The following TENM2 variants were observed in gnomAD, a reference collection of about 807,000 sequenced individuals.
The protein encoded by TENM2 is teneurin-2.
In TENM2, 52 loss-of-function variants were observed where a neutral mutation model predicts 245.2. The observed-to-expected ratio is 0.21, with a 90% CI of 0.17 to 0.27. The LOEUF is 0.27. Ranked by LOEUF, TENM2 falls within the 10% of genes least tolerant of loss-of-function variation. The pLI is 1.00. For missense variants in TENM2, 3,046 were observed against 3,666.8 expected (o/e 0.83, Z 4.37); for synonymous variants, 1,363 against 1,438.9 (o/e 0.95, Z 1.19).
intron 7 of TENM2, among the ~76,000 whole-genome samples, chr5:168,072,073 T>G (rs897385976): frequency 6.6e-6 from 1 of 152,196 alleles, no homozygotes; most frequent in Admixed American, 6.5e-5. Flanking sequence ...CTTGGTGATA[T>G]GTTTGATATA....
At chr5:167,327,237 C>T (rs1757143844) in intron 1 of TENM2, among the ~76,000 whole-genome samples, 1 of 152,144 alleles carries the variant, frequency 6.6e-6, no homozygotes, top group African/African-American at 2.4e-5. Context: ...CATGTGTTCT[C>T]ATTGTTCAGT....
chr5:167,279,510 TTCCTTTCC>T, the TENM2 span, among the ~76,000 whole-genome samples: 1 of 128,344 alleles, frequency 7.8e-6, no homozygotes, highest in African/African-American at 3.2e-5. Context: ...CTTTCCTTCC[TTCCTTTCC>T]TTCCTTCCTT....
the TENM2 span, among the ~76,000 whole-genome samples, chr5:167,141,250 G>A: frequency 6.6e-6 from 1 of 152,154 alleles, no homozygotes; most frequent in African/African-American, 2.4e-5. Flanking sequence ...ACATTTCTGT[G>A]ATAATATTTC....
the TENM2 span, among the ~76,000 whole-genome samples, chr5:166,998,314 T>C: frequency 6.6e-6 from 1 of 152,134 alleles, no homozygotes; most frequent in African/African-American, 2.4e-5. Flanking sequence ...AGATTTTCCA[T>C]TTTATTTTCC....
chr5:167,053,156 T>G, the TENM2 span, among the ~76,000 whole-genome samples: 4,753 of 152,306 alleles, frequency 0.031, 260 homozygotes, highest in African/African-American at 0.11. Context: ...CTTGGCCATA[T>G]GTTAACTTTT....
In TENM2 at chr5:167,523,101, G is replaced by A. The variant is rs796917441; in HGVS notation, c.502+147628G>A. Among the ~76,000 whole-genome samples the A allele has an allele frequency of 4.6e-5, 7 of 152,084 alleles. No individual in the cohort carries two copies. In the South Asian group the frequency reaches 6.2e-4, roughly 14 times the overall value. ...CTCAGTCTCCCTCTGCCTTTCTCAT[G>A]TAAGGATACATGTGATAGCATCTAG... On this transcript the variant is annotated intron_variant, in intron 2 of 28. Transcript: ENST00000518659.
chr5:167,218,485 A>G, the TENM2 span, among the ~76,000 whole-genome samples: 1 of 152,098 alleles, frequency 6.6e-6, no homozygotes, highest in Non-Finnish European at 1.5e-5. Flanking sequence ...TTAACATGCT[A>G]TCTTGTGAGG....
chr5:168,078,180 G>T (rs1791650944), intron 7 of TENM2, among the ~76,000 whole-genome samples: 1 of 152,200 alleles, frequency 6.6e-6, no homozygotes, highest in Non-Finnish European at 1.5e-5. Context: ...GATGGCCAGT[G>T]ATGATGAGCA....
At chr5:168,059,062 A>G (rs949164339) in intron 6 of TENM2, among the ~76,000 whole-genome samples, 1 of 152,152 alleles carries the variant, frequency 6.6e-6, no homozygotes, top group Admixed American at 6.5e-5. Flanking sequence ...TATTTAGTGA[A>G]TGGGATGAGG....
chr5:167,564,993 C>T (rs1773820956), intron 2 of TENM2, among the ~76,000 whole-genome samples: 1 of 152,206 alleles, frequency 6.6e-6, no homozygotes, highest in Non-Finnish European at 1.5e-5. Context: ...GAATCCCCAG[C>T]ATAAGGAACT....
In TENM2 at chr5:168,211,760, A is replaced by G; in HGVS notation, c.3845+6A>G. On this transcript the variant is annotated splice_donor_region_variant and intron_variant, in intron 20 of 28. Transcript: ENST00000518659. Reference sequence around the variant, plus strand: ...AATAAAGAGTTTAAACATAGGTAAGATGAAGAACTCTTTCCCATATAATTT... The same window carrying G: ...AATAAAGAGTTTAAACATAGGTAAGGTGAAGAACTCTTTCCCATATAATTT... 2 of 1,349,206 alleles carry G rather than the reference A, an allele frequency of 1.5e-6. No individual in the cohort carries two copies. The highest frequency in any genetic ancestry group is 1.0e-6 in the Non-Finnish European group (1 of 981,996). 83.6% of individuals were successfully genotyped at this position (1,349,206 alleles called of 1,614,324 possible).
chr5:167,300,010 T>C (rs1451964487), intron 1 of TENM2, among the ~76,000 whole-genome samples: 1 of 152,224 alleles, frequency 6.6e-6, no homozygotes, highest in South Asian at 2.1e-4. Context: ...CAGCAGCTGC[T>C]GCACGCAGAC....
chr5:167,952,629 C>T, exon 4 of TENM2: 1 of 1,612,834 alleles, frequency 6.2e-7, no homozygotes, highest in Non-Finnish European at 8.5e-7. Flanking sequence ...GAGGCCCCCT[C>T]TCCCACCCCC....
At chr5:167,723,438 G>C (rs1164742966) in intron 2 of TENM2, among the ~76,000 whole-genome samples, 1 of 152,130 alleles carries the variant, frequency 6.6e-6, no homozygotes, top group Non-Finnish European at 1.5e-5. Context: ...TCATTCATAA[G>C]TGCATTCTCA....
intron 5 of TENM2, among the ~76,000 whole-genome samples, chr5:168,034,600 T>A (rs929243113): frequency 1.4e-5 from 2 of 146,762 alleles, no homozygotes; most frequent in Admixed American, 1.4e-4. Context: ...AAAATAAAAA[T>A]AATAAAAAAT....
intron 1 of TENM2, among the ~76,000 whole-genome samples, chr5:167,360,245 G>C (rs1208756904): frequency 6.6e-6 from 1 of 152,102 alleles, no homozygotes; most frequent in Non-Finnish European, 1.5e-5. Flanking sequence ...CCCTAAAAAA[G>C]GTGTCAGATA....
At chr5:167,030,877 G>T in the TENM2 span, among the ~76,000 whole-genome samples, 1 of 152,112 alleles carries the variant, frequency 6.6e-6, no homozygotes, top group Non-Finnish European at 1.5e-5. Flanking sequence ...TTTCTGCAGG[G>T]CTCATTGGGC....
At chr5:167,765,480 T>C (rs919387773) in intron 2 of TENM2, among the ~76,000 whole-genome samples, 3 of 152,154 alleles carry the variant, frequency 2.0e-5, no homozygotes, top group Non-Finnish European at 4.4e-5. Context: ...TGCCAGCTGG[T>C]TTTGTGCCTA....
chr5:168,102,538 G>A (rs1793908007), intron 9 of TENM2, among the ~76,000 whole-genome samples: 4 of 152,164 alleles, frequency 2.6e-5, no homozygotes, highest in Non-Finnish European at 4.4e-5. Flanking sequence ...CATCAAGAAT[G>A]CCAAAAGGGG....
Sources: allele counts gnomAD v4.1 joint callset (sites outside exome capture counted in the v4.1 genomes callset), GRCh38; gene constraint gnomAD v4.1.1; transcripts MANE v1.5; gene names NCBI Gene and HGNC (gene_info 2026-07-23, HGNC 2026-07-21).